ATG5: variants seen among roughly 807,000 people sequenced by gnomAD.
The protein encoded by ATG5 is autophagy protein 5.
In ATG5, 14 loss-of-function variants were observed where a neutral mutation model predicts 36.5. The ratio of observed to expected loss-of-function variants is 0.38; its 90% confidence interval spans 0.25 to 0.60. ATG5 has a LOEUF of 0.60. Among genes scored for constraint, ATG5 ranks in the 20% least tolerant of loss-of-function variants. The probability of loss-of-function intolerance (pLI) is 0.60; values close to 1 mark genes in which losing one functional copy is unlikely to be tolerated. For synonymous variants in ATG5, 95 were observed against 101.5 expected (o/e 0.94, Z 0.38); for missense variants, 195 against 326.7 (o/e 0.60, Z 3.11).
At chr6:106,291,563 T>C (rs889088673) in intron 4 of ATG5, among the ~76,000 whole-genome samples, 2 of 152,074 alleles carry the variant, frequency 1.3e-5, no homozygotes, top group African/African-American at 4.8e-5. Flanking sequence ...AATGAATGAA[T>C]GAGTGAATAA....
At chr6:106,293,819 T>C (rs1769962) in intron 3 of ATG5, among the ~76,000 whole-genome samples, 13,035 of 152,262 alleles carry the variant, frequency 0.086, 591 homozygotes, top group South Asian at 0.13. Context: ...CTAATACAAA[T>C]GTTGTAGATT....
At chr6:106,275,762 G>C (rs147886272) in intron 5 of ATG5, among the ~76,000 whole-genome samples, 1 of 152,278 alleles carries the variant, frequency 6.6e-6, no homozygotes, top group Non-Finnish European at 1.5e-5. Flanking sequence ...GTAACATTTT[G>C]AGTCAGACTT....
At chr6:106,248,923 A>G (rs1018471187) in intron 5 of ATG5, among the ~76,000 whole-genome samples, 5 of 152,172 alleles carry the variant, frequency 3.3e-5, no homozygotes, top group Admixed American at 2.6e-4. Flanking sequence ...GGGCAACAAG[A>G]GCGAAACTCC....
At chr6:106,209,402 TTA>T (rs1317614105) in intron 6 of ATG5, among the ~76,000 whole-genome samples, 2 of 151,962 alleles carry the variant, frequency 1.3e-5, no homozygotes, top group African/African-American at 4.8e-5. Flanking sequence ...CTCAAGGGAG[TTA>T]TGTTATGTGA....
intron 3 of ATG5, among the ~76,000 whole-genome samples, chr6:106,303,291 T>C (rs1296383348): frequency 6.6e-6 from 1 of 152,038 alleles, no homozygotes; most frequent in East Asian, 1.9e-4. Context: ...TAAACAACTC[T>C]ATGTTCATAA....
chr6:106,317,843 G>C (rs183592887), intron 1 of ATG5, among the ~76,000 whole-genome samples: 95 of 152,278 alleles, frequency 6.2e-4, no homozygotes, highest in African/African-American at 2.2e-3. Flanking sequence ...TCTTTTTAAA[G>C]TGAATTCACT....
intron 6 of ATG5, among the ~76,000 whole-genome samples, chr6:106,222,106 G>A (rs1380111223): frequency 6.6e-6 from 1 of 152,066 alleles, no homozygotes; most frequent in East Asian, 1.9e-4. Flanking sequence ...TAAACCATGA[G>A]TTTGGCCAGG....
At chr6:106,240,056 G>A (rs947940483) in intron 6 of ATG5, among the ~76,000 whole-genome samples, 4 of 151,750 alleles carry the variant, frequency 2.6e-5, no homozygotes, top group African/African-American at 7.3e-5. Flanking sequence ...GTAGTGGCAT[G>A]ATCATGGCTC....
At chr6:106,291,156 C>T (rs1780291471) in intron 4 of ATG5, among the ~76,000 whole-genome samples, 1 of 152,188 alleles carries the variant, frequency 6.6e-6, no homozygotes, top group Admixed American at 6.5e-5. Context: ...CTCAAGACAA[C>T]CATATTTGGC....
At chr6:106,320,684 G>A (rs1468033341) in intron 1 of ATG5, among the ~76,000 whole-genome samples, 2 of 151,248 alleles carry the variant, frequency 1.3e-5, no homozygotes. Context: ...TAAGTGCTAG[G>A]AAATGCAAGC....
At chr6:106,199,596 T>C (rs941920954) in intron 7 of ATG5, among the ~76,000 whole-genome samples, 2 of 152,182 alleles carry the variant, frequency 1.3e-5, no homozygotes, top group African/African-American at 4.8e-5. Flanking sequence ...GAGATGGAAA[T>C]GTTCTAAAAA....
At chr6:106,209,994 C>T (rs925270515) in intron 6 of ATG5, among the ~76,000 whole-genome samples, 3 of 152,184 alleles carry the variant, frequency 2.0e-5, no homozygotes, top group Non-Finnish European at 2.9e-5. Flanking sequence ...GAATTGGAAT[C>T]CGCATTTTAA....
intron 3 of ATG5, among the ~76,000 whole-genome samples, chr6:106,302,392 T>C (rs548031958): frequency 2.6e-5 from 4 of 152,050 alleles, no homozygotes; most frequent in Non-Finnish European, 5.9e-5. Context: ...CTGTAGATGA[T>C]GGTAAGTCAG....
At chr6:106,263,624 C>T (rs917332764) in intron 5 of ATG5, among the ~76,000 whole-genome samples, 9 of 152,260 alleles carry the variant, frequency 5.9e-5, no homozygotes, top group African/African-American at 1.2e-4. Context: ...GGCATCAGGC[C>T]GGTGCCCCTC....
At chr6:106,318,506 A>C (rs2114685199) in intron 1 of ATG5, among the ~76,000 whole-genome samples, 2 of 152,320 alleles carry the variant, frequency 1.3e-5, no homozygotes, top group East Asian at 3.9e-4. Flanking sequence ...TTAAAGTCTT[A>C]CGTTCCAGCA....
intron 3 of ATG5, among the ~76,000 whole-genome samples, chr6:106,306,009 C>A (rs999736636): frequency 6.6e-6 from 1 of 152,060 alleles, no homozygotes; most frequent in Non-Finnish European, 1.5e-5. Flanking sequence ...CATATAGCTA[C>A]AATGAGCTTA....
intron 3 of ATG5, among the ~76,000 whole-genome samples, chr6:106,307,256 G>A (rs1458101833): frequency 2.0e-5 from 3 of 152,162 alleles, no homozygotes; most frequent in Non-Finnish European, 4.4e-5. Context: ...CCGATTCAGA[G>A]AGCAAGTCCA....
intron 7 of ATG5, among the ~76,000 whole-genome samples, chr6:106,197,199 C>T (rs927157734): frequency 2.0e-5 from 3 of 151,806 alleles, no homozygotes; most frequent in African/African-American, 4.8e-5. Context: ...AGTAGATTGT[C>T]GAAAAAAATC....
At chr6:106,270,188 T>G (rs1286572441) in intron 5 of ATG5, among the ~76,000 whole-genome samples, 1 of 152,198 alleles carries the variant, frequency 6.6e-6, no homozygotes, top group East Asian at 1.9e-4. Context: ...TGCAAATGCA[T>G]GAACTCTAAA....
Sources: allele counts gnomAD v4.1 joint callset (sites outside exome capture counted in the v4.1 genomes callset), GRCh38; gene constraint gnomAD v4.1.1; transcripts MANE v1.5; gene names NCBI Gene and HGNC (gene_info 2026-07-23, HGNC 2026-07-21).